The following SNX29 variants were observed in gnomAD, a reference collection of about 807,000 sequenced individuals.
The protein encoded by SNX29 is sorting nexin 29, also known as sorting nexin-29.
In SNX29, 78 loss-of-function variants were observed where a neutral mutation model predicts 102.1. The observed-to-expected ratio is 0.76, with a 90% CI of 0.64 to 0.92. The LOEUF is 0.92. Among genes scored for constraint, SNX29 ranks in the 40% least tolerant of loss-of-function variants. The probability of loss-of-function intolerance (pLI) is 0.00; values close to 1 mark genes in which losing one functional copy is unlikely to be tolerated. For synonymous variants in SNX29, 580 were observed against 414.5 expected, an observed-to-expected ratio of 1.40 and a Z score of -4.85; for missense variants, 1,280 against 1,061.7, an observed-to-expected ratio of 1.21 and a Z score of -2.86.
chr16:12,057,580 G>A (rs9938283), intron 8 of SNX29, among the ~76,000 whole-genome samples: 26,839 of 152,074 alleles, frequency 0.18, 2,560 homozygotes, highest in African/African-American at 0.2. Flanking sequence ...CCTCGATTCA[G>A]GGAAAAGTTG....
chr16:12,099,079 T>C (rs191615724), intron 11 of SNX29, among the ~76,000 whole-genome samples: 5 of 152,314 alleles, frequency 3.3e-5, no homozygotes, highest in African/African-American at 1.2e-4. Flanking sequence ...GAGCACTTCA[T>C]GAGGAAAGAG....
intron 11 of SNX29, among the ~76,000 whole-genome samples, chr16:12,125,897 T>A (rs2054195353): frequency 6.6e-6 from 1 of 152,152 alleles, no homozygotes; most frequent in African/African-American, 2.4e-5. Context: ...GTAGCAGCAC[T>A]GGGGACCCCC....
In SNX29 at chr16:12,117,227, T is replaced by C. The variant is rs551424534; in HGVS notation, c.1403-9406T>C. The stretch of plus-strand genomic sequence containing the variant: ...GAACCGTGGAAACAGGCATGGTCAA[T>C]ACGTGCTTCAATGCGGACGAACCGT... On this transcript the variant is annotated intron_variant, in intron 11 of 20. Transcript: ENST00000566228. Among the ~76,000 whole-genome samples, 143 of 142,968 alleles carry C rather than the reference T, an allele frequency of 1.0e-3. 1 individual carries two copies. The highest frequency in any genetic ancestry group is 3.6e-3 in the African/African-American group (135 of 37,592). 93.8% of individuals were successfully genotyped at this position (142,968 alleles called of 152,430 possible).
At chr16:12,329,688 G>A (rs565909299) in intron 15 of SNX29, among the ~76,000 whole-genome samples, 5 of 152,280 alleles carry the variant, frequency 3.3e-5, no homozygotes, top group Admixed American at 1.3e-4. Context: ...TCTGCTATGC[G>A]TTGGCTCACA....
intron 18 of SNX29, among the ~76,000 whole-genome samples, chr16:12,438,758 A>G (rs575420168): frequency 6.6e-6 from 1 of 152,352 alleles, no homozygotes; most frequent in East Asian, 1.9e-4. Flanking sequence ...AGAAGAGGTC[A>G]CATTTGAACT....
chr16:12,224,644 C>G (rs2077563101), intron 14 of SNX29, among the ~76,000 whole-genome samples: 1 of 152,208 alleles, frequency 6.6e-6, no homozygotes, highest in African/African-American at 2.4e-5. Flanking sequence ...CTGAAGAATT[C>G]TAAAGAGCCT....
chr16:12,041,580 C>A (rs1052221718), intron 4 of SNX29, among the ~76,000 whole-genome samples: 1 of 152,232 alleles, frequency 6.6e-6, no homozygotes, highest in African/African-American at 2.4e-5. Flanking sequence ...GGCTTCAGGG[C>A]TGAATCCGTT....
chr16:12,318,081 G>A (rs983694767), intron 15 of SNX29, among the ~76,000 whole-genome samples: 1 of 152,222 alleles, frequency 6.6e-6, no homozygotes, highest in African/African-American at 2.4e-5. Context: ...CGCTGTCAGC[G>A]GTGCTGTGAC....
intron 15 of SNX29, among the ~76,000 whole-genome samples, chr16:12,317,440 A>G (rs1397220808): frequency 1.3e-5 from 2 of 152,028 alleles, no homozygotes; most frequent in Non-Finnish European, 1.5e-5. Flanking sequence ...AGATGCTGGG[A>G]GTTTGGGCAG....
intron 20 of SNX29, among the ~76,000 whole-genome samples, chr16:12,531,415 A>G (rs2076929335): frequency 6.6e-6 from 1 of 152,222 alleles, no homozygotes; most frequent in African/African-American, 2.4e-5. Flanking sequence ...AAAATGTTGC[A>G]GACAGAAGGC....
chr16:12,546,358 T>G (rs999966966), intron 20 of SNX29: 9 of 152,210 alleles, frequency 5.9e-5, no homozygotes, highest in Non-Finnish European at 1.0e-4. Flanking sequence ...TCCATGTGGC[T>G]GGGGAGGCCT....
intron 14 of SNX29, among the ~76,000 whole-genome samples, chr16:12,223,865 C>T (rs955225134): frequency 6.6e-6 from 1 of 152,304 alleles, no homozygotes; most frequent in South Asian, 2.1e-4. Flanking sequence ...TGGCCAGTGG[C>T]TCGTGGAATC....
chr16:12,488,407 C>T (rs752233098), intron 19 of SNX29, among the ~76,000 whole-genome samples: 7 of 151,974 alleles, frequency 4.6e-5, no homozygotes, highest in Admixed American at 1.3e-4. Context: ...CATCGCATCA[C>T]GGTTGCCTGA....
At chr16:12,545,328 AG>A (rs145614274) in intron 20 of SNX29, among the ~76,000 whole-genome samples, 17,699 of 152,256 alleles carry the variant, frequency 0.12, 1,338 homozygotes, top group Non-Finnish European at 0.16. Flanking sequence ...CACCAGAGAA[AG>A]GGTGTCACAT....
chr16:12,436,878 A>G (rs1339360412), intron 18 of SNX29, among the ~76,000 whole-genome samples: 1 of 152,110 alleles, frequency 6.6e-6, no homozygotes, highest in Non-Finnish European at 1.5e-5. Context: ...GTTTCGAACT[A>G]CTGGCCTCAA....
intron 1 of SNX29, among the ~76,000 whole-genome samples, chr16:11,989,660 A>G (rs184418813): frequency 3.9e-5 from 6 of 152,240 alleles, no homozygotes; most frequent in Admixed American, 6.5e-5. Context: ...ACCAGAATCT[A>G]GATTCAACAA....
In SNX29 at chr16:12,199,702, C is replaced by G. The variant is rs1241805346; in HGVS notation, c.1678+19C>G. The stretch of plus-strand genomic sequence containing the variant: ...GCTGAAGGTGAGGGGGAGCCTGAGC[C>G]CGGGTTGGGAGGGGCCGGGCTTTTC... On this transcript the variant is annotated intron_variant, in intron 14 of 20. Coordinates refer to ENST00000566228, the MANE Select transcript of SNX29 (RefSeq NM_032167.5). The G allele has an allele frequency of 1.2e-6, 2 of 1,607,974 alleles. No homozygotes were observed. The highest frequency in any genetic ancestry group is 1.7e-6 in the Non-Finnish European group (2 of 1,176,998).
In SNX29 at chr16:12,512,100, C is replaced by G. The variant is rs550789649; in HGVS notation, c.2179-12602C>G. Among the ~76,000 whole-genome samples, 11 of 151,982 alleles carry G rather than the reference C, an allele frequency of 7.2e-5. No individual in the cohort carries two copies. In the East Asian group the frequency reaches 1.9e-3, roughly 27 times the overall value. ...GGATGTCTCAACAGATGAGGCCAAA[C>G]TGCAGCTGGTTCTGGCTTCGTGGTA... On this transcript the variant is annotated intron_variant, in intron 19 of 20. Coordinates refer to ENST00000566228, the MANE Select transcript of SNX29 (RefSeq NM_032167.5).
At chr16:12,004,317 G>C (rs2056385323) in intron 3 of SNX29, among the ~76,000 whole-genome samples, 1 of 151,870 alleles carries the variant, frequency 6.6e-6, no homozygotes, top group African/African-American at 2.4e-5. Flanking sequence ...CTCTAGCCTG[G>C]GCGACAGAGC....
Sources: allele counts gnomAD v4.1 joint callset (sites outside exome capture counted in the v4.1 genomes callset), GRCh38; gene constraint gnomAD v4.1.1; transcripts MANE v1.5; gene names NCBI Gene and HGNC (gene_info 2026-07-23, HGNC 2026-07-21).